Variants in LRP2 observed in about 807,000 individuals in gnomAD.
LRP2 encodes LDL receptor related protein 2.
A neutral mutation model predicts 531.0 loss-of-function variants in LRP2; 172 were observed. The ratio of observed to expected loss-of-function variants is 0.32; its 90% CI spans 0.29 to 0.37. The LOEUF (loss-of-function observed/expected upper bound fraction) is 0.37, where lower values mean the gene tolerates loss of function less well. LRP2 is among the 10% of genes least tolerant of loss of function. LRP2 has a pLI of 1.00. For missense variants in LRP2, 5,167 were observed against 5,868.3 expected, an observed-to-expected ratio of 0.88 and a Z score of 3.90; for synonymous variants, 1,992 against 2,027.6, an observed-to-expected ratio of 0.98 and a Z score of 0.47.
At chr2:169,183,403 C>G (rs1687511789) in intron 50 of LRP2, among the ~76,000 whole-genome samples, 1 of 152,168 alleles carries the variant, frequency 6.6e-6, no homozygotes, top group South Asian at 2.1e-4. Flanking sequence ...ACACTAAGAA[C>G]AGTGAGAATA....
At chr2:169,300,042 A>G (rs1487470698) in intron 4 of LRP2, among the ~76,000 whole-genome samples, 1 of 152,156 alleles carries the variant, frequency 6.6e-6, no homozygotes, top group Admixed American at 6.6e-5. Flanking sequence ...GACTTCATAG[A>G]TACTGTGCTA....
At chr2:169,288,917 A>T (rs1249955109) in intron 9 of LRP2, 109 bp downstream of exon 9, 1 of 1,548,926 alleles carries the variant, frequency 6.5e-7, no homozygotes, top group Non-Finnish European at 8.9e-7. Context: ...CTTTGTTATG[A>T]CAGACCATGA....
chr2:169,184,947 A>G (rs1367651893), intron 50 of LRP2, among the ~76,000 whole-genome samples: 1 of 151,976 alleles, frequency 6.6e-6, no homozygotes, highest in Non-Finnish European at 1.5e-5. Context: ...TTTTCCTTAG[A>G]GACAGATTTC....
intron 1 of LRP2, among the ~76,000 whole-genome samples, chr2:169,341,815 A>G (rs1685570220): frequency 6.6e-6 from 1 of 152,224 alleles, no homozygotes; most frequent in Non-Finnish European, 1.5e-5. Flanking sequence ...TGCTATAGCT[A>G]TGGTGACTAT....
chr2:169,203,731 T>C (rs758598049), intron 42 of LRP2, among the ~76,000 whole-genome samples: 4 of 152,214 alleles, frequency 2.6e-5, no homozygotes, highest in Non-Finnish European at 5.9e-5. Context: ...CACTCCAGCC[T>C]GGGCGACAGA....
chr2:169,277,720 A>G (rs760265236), intron 13 of LRP2, 25 bp downstream of exon 13: 23 of 1,598,522 alleles, frequency 1.4e-5, no homozygotes, highest in Non-Finnish European at 1.9e-5. Flanking sequence ...TTATAAAGCC[A>G]TAAGCCATAA....
chr2:169,133,521 A>C (rs73030805), intron 76 of LRP2, among the ~76,000 whole-genome samples: 3,620 of 152,338 alleles, frequency 0.024, 151 homozygotes, highest in African/African-American at 0.081. Context: ...CGATCTTAAA[A>C]TCACAAAATA....
Position 169,185,821 on chromosome 2 carries a change from C to T in LRP2, c.9527G>A (p.Cys3176Tyr), listed in dbSNP as rs778201411. The T allele has an allele frequency of 6.2e-7, 1 of 1,613,780 alleles. No homozygotes were observed. The highest frequency in any genetic ancestry group is 8.5e-7 in the Non-Finnish European group (1 of 1,179,976). Residue 3176 changes from cysteine to tyrosine, a missense_variant, in exon 50 of 79, where the codon TGT (cysteine) becomes TAT (tyrosine). Cys to Tyr is a radical substitution (Grantham distance 194). Around this residue, in one of 6 missense-constraint regions of LRP2, gnomAD observed 1,129 missense variants for 1,362.7 expected, o/e 0.83. Coordinates refer to ENST00000649046, the MANE Select transcript of LRP2 (RefSeq NM_004525.3). The part of the protein sequence containing the change: ...KCENVIGSYI[C>Y]KCAPGYLREP... ...TCGGAGGTAGCCTGGGGCACACTTA[C>T]AGATGTAGGAGCCTATTACATTCTC...
At chr2:169,268,846 A>G (rs1408171073) in intron 16 of LRP2, among the ~76,000 whole-genome samples, 1 of 152,236 alleles carries the variant, frequency 6.6e-6, no homozygotes, top group Non-Finnish European at 1.5e-5. Flanking sequence ...CTGTATATTT[A>G]GAAAACCCCA....
At chr2:169,257,084 A>G in intron 18 of LRP2, 40 bp downstream of exon 18, 1 of 1,609,964 alleles carries the variant, frequency 6.2e-7, no homozygotes, top group East Asian at 2.2e-5. Flanking sequence ...GTTCTGCAGT[A>G]AAAGAGAACT....
intron 16 of LRP2, among the ~76,000 whole-genome samples, chr2:169,265,652 T>C (rs1690768388): frequency 6.6e-6 from 1 of 152,042 alleles, no homozygotes; most frequent in African/African-American, 2.4e-5. Context: ...ACTTGCAACC[T>C]GTACCCAGCC....
At chr2:169,345,931 GC>G (rs1281990523) in intron 1 of LRP2, among the ~76,000 whole-genome samples, 1 of 152,192 alleles carries the variant, frequency 6.6e-6, no homozygotes, top group Non-Finnish European at 1.5e-5. Context: ...GAACAGGAAG[GC>G]CCTGGAGGGA....
At chr2:169,307,723 C>T (rs2105493073) in intron 3 of LRP2, among the ~76,000 whole-genome samples, 1 of 152,252 alleles carries the variant, frequency 6.6e-6, no homozygotes, top group East Asian at 1.9e-4. Context: ...CAAGGACCCC[C>T]AACCCACCCA....
intron 44 of LRP2, among the ~76,000 whole-genome samples, chr2:169,201,000 A>G (rs1002035394): frequency 1.1e-4 from 16 of 152,230 alleles, no homozygotes; most frequent in African/African-American, 3.9e-4. Flanking sequence ...AAATACTCTT[A>G]CCCAAAGAAT....
chr2:169,317,751 T>G (rs1225462121), intron 3 of LRP2, among the ~76,000 whole-genome samples: 1 of 152,176 alleles, frequency 6.6e-6, no homozygotes, highest in African/African-American at 2.4e-5. Flanking sequence ...TAGGTCGCCA[T>G]CTTATATTTA....
intron 16 of LRP2, among the ~76,000 whole-genome samples, chr2:169,264,690 C>T (rs1452829463): frequency 1.3e-5 from 2 of 151,994 alleles, no homozygotes; most frequent in South Asian, 2.1e-4. Context: ...AAGAGAGACA[C>T]ACCCACATAT....
rs754440297 is a variant in LRP2 at position 169,246,865 on chromosome 2, G to C, written c.3030C>G (p.His1010Gln). The C allele has an allele frequency of 6.2e-7, 1 of 1,614,198 alleles. No individual in the cohort carries two copies. The highest frequency in any genetic ancestry group is 8.5e-7 in the Non-Finnish European group (1 of 1,180,042). Residue 1010 changes from histidine to glutamine, a missense_variant, in exon 21 of 79, where the codon CAC becomes CAG. Physicochemically the swap from His to Gln is conservative, Grantham distance 24. Transcript: ENST00000649046. Reference protein sequence around the residue: ...CPYGMRLASNHLTCEGDPTNE... With the variant: ...CPYGMRLASNQLTCEGDPTNE... Reference sequence around the variant, plus strand: ...TGGTTGGGTCCCCCTCGCATGTCAAGTGATTGGAAGCCAGCCTCATTCCAT... The same window carrying C: ...TGGTTGGGTCCCCCTCGCATGTCAACTGATTGGAAGCCAGCCTCATTCCAT...
intron 33 of LRP2, among the ~76,000 whole-genome samples, chr2:169,220,956 C>G (rs1688970379): frequency 6.6e-6 from 1 of 152,078 alleles, no homozygotes; most frequent in Admixed American, 6.6e-5. Context: ...TTCCTGCACC[C>G]CACCAAGGCA....
chr2:169,199,112 G>A (rs904325198), intron 44 of LRP2, among the ~76,000 whole-genome samples: 21 of 152,190 alleles, frequency 1.4e-4, no homozygotes, highest in African/African-American at 2.4e-5. Context: ...GCTGATACTG[G>A]GGAGAAGGGA....
Sources: allele counts gnomAD v4.1 joint callset (sites outside exome capture counted in the v4.1 genomes callset), GRCh38; gene constraint gnomAD v4.1.1; regional missense constraint gnomAD v4.1.1; transcripts MANE v1.5; gene names NCBI Gene and HGNC (gene_info 2026-07-23, HGNC 2026-07-21).